The following MECOM variants were observed in gnomAD, a reference collection of about 807,000 sequenced individuals.
MECOM encodes the protein MDS1 and EVI1 complex locus.
MECOM carries 13 observed loss-of-function variants against 116.3 expected under a neutral mutation model. The observed-to-expected ratio is 0.11, with a 90% CI of 0.07 to 0.18. The LOEUF (loss-of-function observed/expected upper bound fraction) is 0.18. Ranked by LOEUF, MECOM falls within the 10% of genes least tolerant of loss-of-function variation. MECOM has a pLI of 1.00. For synonymous variants in MECOM, 528 were observed against 535.2 expected, an observed-to-expected ratio of 0.99 and a Z score of 0.19; for missense variants, 1,299 against 1,509.0, an observed-to-expected ratio of 0.86 and a Z score of 2.31.
chr3:169,322,823 C>A (rs1463199712), intron 2 of MECOM, among the ~76,000 whole-genome samples: 1 of 151,458 alleles, frequency 6.6e-6, no homozygotes, highest in African/African-American at 2.4e-5. Context: ...CATGGCAAAA[C>A]CCCATCTCTA....
intron 7 of MECOM, among the ~76,000 whole-genome samples, chr3:169,118,975 T>C (rs1388755295): frequency 6.6e-6 from 1 of 152,226 alleles, no homozygotes; most frequent in Non-Finnish European, 1.5e-5. Flanking sequence ...TGTAATTTTC[T>C]CAGTAATAAG....
At chr3:169,519,417 T>C (rs1757090523) in intron 1 of MECOM, among the ~76,000 whole-genome samples, 1 of 152,214 alleles carries the variant, frequency 6.6e-6, no homozygotes, top group Non-Finnish European at 1.5e-5. Context: ...ATGGAACCCA[T>C]TTAAATACAC....
chr3:169,146,220 C>T, intron 2 of MECOM: 2 of 1,070,304 alleles, frequency 1.9e-6, no homozygotes, highest in South Asian at 6.4e-5. Flanking sequence ...AAAAAAAAAT[C>T]CCCACAATCT....
chr3:169,119,445 T>C (rs1730259530), intron 7 of MECOM, among the ~76,000 whole-genome samples: 1 of 152,182 alleles, frequency 6.6e-6, no homozygotes, highest in Admixed American at 6.5e-5. Context: ...TGCAATCTGA[T>C]TGGAAAGGGA....
At chr3:169,206,196 C>T (rs1047463572) in intron 2 of MECOM, among the ~76,000 whole-genome samples, 1 of 152,168 alleles carries the variant, frequency 6.6e-6, no homozygotes, top group African/African-American at 2.4e-5. Context: ...TCAAATCTTA[C>T]ACATTTTCCT....
rs1383091023 is a variant in MECOM at position 169,381,439 on chromosome 3, G to A, written c.123C>T (p.Leu41=). The A allele has an allele frequency of 6.2e-7, 1 of 1,613,788 alleles. No homozygotes were observed. Among genetic ancestry groups the A allele is most frequent in the South Asian group, 1.1e-5 (1 of 91,078 alleles). ...CAGGAGAGCATGGCTCTTGAATATT[G>A]AGGGAGGGAGTGCTGGCTACTCCAT... is the stretch of plus-strand genomic sequence containing the variant. ...DADGVASTPS[L]NIQEPCSPAT... is the part of the protein sequence containing the mutation. The change falls in exon 2 of 17, where the codon CTC becomes CTT. Residue 41 remains leucine, a synonymous_variant. Coordinates refer to ENST00000651503, the MANE Select transcript of MECOM (RefSeq NM_004991.4).
chr3:169,099,885 C>G (rs1160258876), intron 12 of MECOM, among the ~76,000 whole-genome samples: 1 of 151,786 alleles, frequency 6.6e-6, no homozygotes, highest in Non-Finnish European at 1.5e-5. Context: ...TCTTTCTAAA[C>G]AATATTAAAA....
chr3:169,390,835 G>A (rs1454888653), intron 1 of MECOM, among the ~76,000 whole-genome samples: 1 of 152,158 alleles, frequency 6.6e-6, no homozygotes, highest in Non-Finnish European at 1.5e-5. Flanking sequence ...CTGTAGCAAG[G>A]AGGCTATAAT....
intron 1 of MECOM, among the ~76,000 whole-genome samples, chr3:169,529,005 A>T (rs1472058553): frequency 6.6e-6 from 1 of 152,254 alleles, no homozygotes; most frequent in African/African-American, 2.4e-5. Flanking sequence ...TCCCATTTGA[A>T]TTGCTGTAGG....
chr3:169,445,324 T>C (rs1744439636), intron 1 of MECOM, among the ~76,000 whole-genome samples: 1 of 152,082 alleles, frequency 6.6e-6, no homozygotes, highest in Non-Finnish European at 1.5e-5. Context: ...AGGAATTTGG[T>C]GCCCTGTGTC....
intron 1 of MECOM, among the ~76,000 whole-genome samples, chr3:169,588,278 C>T (rs942482519): frequency 1.2e-4 from 18 of 152,116 alleles, no homozygotes; most frequent in African/African-American, 4.3e-4. Flanking sequence ...CCCAAGGCTG[C>T]CGTGACTTAT....
chr3:169,124,982 C>T (rs927770410), intron 5 of MECOM, among the ~76,000 whole-genome samples: 6 of 151,950 alleles, frequency 3.9e-5, no homozygotes, highest in Non-Finnish European at 8.8e-5. Flanking sequence ...AATGAAGTGC[C>T]CATTCTCATA....
At chr3:169,493,651 A>C (rs1753418123) in intron 1 of MECOM, among the ~76,000 whole-genome samples, 1 of 152,194 alleles carries the variant, frequency 6.6e-6, no homozygotes, top group African/African-American at 2.4e-5. Context: ...CAGATGGGAA[A>C]TGATTTAATC....
At chr3:169,505,907 G>A (rs1012905444) in intron 1 of MECOM, among the ~76,000 whole-genome samples, 1 of 152,148 alleles carries the variant, frequency 6.6e-6, no homozygotes, top group East Asian at 1.9e-4. Context: ...CCTTTAAGGC[G>A]TTCTTGCCTC....
At position 169,524,011 on chromosome 3, in the gene MECOM, T is replaced by C. The variant is rs1486169939; in HGVS notation, c.37+139325A>G. On this transcript the variant is annotated intron_variant, in intron 1 of 16. Transcript: ENST00000651503. ...ATACATACCTGTATATGAATAAATA[T>C]ATACACATACATGTATGTATATGAA... Among the ~76,000 whole-genome samples, 4 of 145,400 alleles carry C rather than the reference T, an allele frequency of 2.8e-5. No homozygotes were observed. In the Admixed American group the frequency reaches 2.8e-4, roughly 10 times the overall value.
At chr3:169,173,492 T>G (rs1744735316) in intron 2 of MECOM, among the ~76,000 whole-genome samples, 1 of 152,200 alleles carries the variant, frequency 6.6e-6, no homozygotes, top group Non-Finnish European at 1.5e-5. Context: ...CATCTTAAAT[T>G]CAGTCTGGCA....
chr3:169,355,247 C>A (rs1727057983), intron 2 of MECOM, among the ~76,000 whole-genome samples: 1 of 151,958 alleles, frequency 6.6e-6, no homozygotes, highest in Non-Finnish European at 1.5e-5. Context: ...TACAAAAACA[C>A]TGGGCTAGAT....
At chr3:169,619,577 A>G (rs1323696696) in intron 1 of MECOM, among the ~76,000 whole-genome samples, 1 of 152,086 alleles carries the variant, frequency 6.6e-6, no homozygotes, top group Non-Finnish European at 1.5e-5. Flanking sequence ...GCCACCACCG[A>G]GCCTTAATTC....
intron 1 of MECOM, among the ~76,000 whole-genome samples, chr3:169,466,545 T>C (rs1243472087): frequency 2.0e-5 from 3 of 152,184 alleles, no homozygotes. Context: ...CCATAACCAA[T>C]CCAGAGTCTG....
Sources: allele counts gnomAD v4.1 joint callset (sites outside exome capture counted in the v4.1 genomes callset), GRCh38; gene constraint gnomAD v4.1.1; transcripts MANE v1.5; gene names NCBI Gene and HGNC (gene_info 2026-07-23, HGNC 2026-07-21).